The following R3HDM1 variants were observed in gnomAD, a reference collection of about 807,000 sequenced individuals.
R3HDM1 encodes R3H domain containing 1.
In R3HDM1, 46 loss-of-function variants were observed where a neutral mutation model predicts 141.1. That is an observed-to-expected ratio of 0.33 (90% CI 0.26 to 0.42). The LOEUF is 0.42. Among genes scored for constraint, R3HDM1 ranks in the 10% least tolerant of loss-of-function variants. The probability of loss-of-function intolerance (pLI) is 1.00; values close to 1 mark genes in which losing one functional copy is unlikely to be tolerated. For synonymous variants in R3HDM1, 435 were observed against 472.9 expected, an observed-to-expected ratio of 0.92 and a Z score of 1.04; for missense variants, 1,184 against 1,368.3, an observed-to-expected ratio of 0.87 and a Z score of 2.12.
Position 135,715,674 on chromosome 2 carries a change from G to A in R3HDM1, c.2861G>A (p.Arg954Lys). The A allele has an allele frequency of 6.2e-7, 1 of 1,613,536 alleles. No homozygotes were observed. The highest frequency in any genetic ancestry group is 2.2e-5 in the East Asian group (1 of 44,856). ...CTTTCCATCATGCCCCAATTTTCTAGACCTTTTGTCCCCGGGCAAGGTAAG... is the reference window on the plus strand; with the variant it reads ...CTTTCCATCATGCCCCAATTTTCTAAACCTTTTGTCCCCGGGCAAGGTAAG... ...PPLSIMPQFS[R>K]PFVPGQGDSR... is the part of the protein sequence containing the mutation. Residue 954 changes from arginine to lysine, a missense_variant, in exon 24 of 27, where the codon AGA (arginine) becomes AAA (lysine). By Grantham distance (26) the Arg-to-Lys change is conservative (BLOSUM62 2). Coordinates refer to ENST00000683871, the MANE Select transcript of R3HDM1 (RefSeq NM_001378107.1).
chr2:135,571,936 T>G (rs1235026323), intron 1 of R3HDM1, among the ~76,000 whole-genome samples: 2 of 152,158 alleles, frequency 1.3e-5, no homozygotes, highest in Non-Finnish European at 2.9e-5. Context: ...TGCAGAATTT[T>G]ATTTTGTTTT....
intron 1 of R3HDM1, among the ~76,000 whole-genome samples, chr2:135,561,570 T>C (rs1408766762): frequency 6.6e-6 from 1 of 151,944 alleles, no homozygotes; most frequent in Non-Finnish European, 1.5e-5. Flanking sequence ...TATAAAAAAT[T>C]AGCTGGTTGT....
chr2:135,583,410 A>G (rs531942479), intron 1 of R3HDM1, among the ~76,000 whole-genome samples: 1 of 152,282 alleles, frequency 6.6e-6, no homozygotes, highest in East Asian at 1.9e-4. Context: ...GTTAGCCTGC[A>G]TGATTATTGG....
At chr2:135,673,539 GGAA>G (rs1236724994) in intron 19 of R3HDM1, among the ~76,000 whole-genome samples, 1 of 152,200 alleles carries the variant, frequency 6.6e-6, no homozygotes, top group African/African-American at 2.4e-5. Flanking sequence ...AGATTAAAAA[GGAA>G]GAAGTTTATT....
At position 135,651,774 on chromosome 2, in the gene R3HDM1, C is replaced by T. The variant is rs1214585761; in HGVS notation, c.1770C>T (p.Arg590=). 1.2e-6 allele frequency: 2 copies of T among 1,613,918 alleles called. No homozygotes were observed. Among genetic ancestry groups the T allele is most frequent in the Non-Finnish European group, 1.7e-6 (2 of 1,179,886 alleles). Residue 590 remains arginine (R), a synonymous_variant, in exon 18 of 27, where the codon CGC becomes CGT. Coordinates refer to ENST00000683871, the MANE Select transcript of R3HDM1 (RefSeq NM_001378107.1). The part of the protein sequence containing the change: ...GSQFSHMSLA[R]QPSADGSDPH... ...AGTTTAGCCACATGAGTCTTGCTCG[C>T]CAGCCATCTGCTGATGGTTCTGACC...
chr2:135,536,879 C>G (rs762880050), intron 1 of R3HDM1: 1 of 225,914 alleles, frequency 4.4e-6, no homozygotes, highest in Non-Finnish European at 7.4e-6. Context: ...TTACTGTGAA[C>G]TGCGCATGCA....
At chr2:135,531,769 C>T (rs1050962021) in intron 1 of R3HDM1, 136 bp downstream of exon 1, 33 of 985,618 alleles carry the variant, frequency 3.3e-5, no homozygotes, top group Non-Finnish European at 3.7e-5. Flanking sequence ...GAAAGGTGGC[C>T]TTCCCCGCCG....
At chr2:135,710,932 A>G (rs1462550475) in intron 23 of R3HDM1, among the ~76,000 whole-genome samples, 3 of 152,222 alleles carry the variant, frequency 2.0e-5, no homozygotes, top group Non-Finnish European at 4.4e-5. Flanking sequence ...TAAAAATATT[A>G]GATTAAAAAG....
chr2:135,723,832 G>A (rs2076946942), intron 26 of R3HDM1, 105 bp from the exon 27 acceptor site: 1 of 471,882 alleles, frequency 2.1e-6, no homozygotes, highest in African/African-American at 2.2e-5. Context: ...TTAATTTTGT[G>A]TATTCGAATG....
intron 19 of R3HDM1, among the ~76,000 whole-genome samples, chr2:135,674,788 G>A (rs1356603121): frequency 1.3e-5 from 2 of 151,516 alleles, no homozygotes; most frequent in African/African-American, 4.8e-5. Flanking sequence ...CTGTGTCTTT[G>A]ACACATTCAA....
At chr2:135,605,871 A>G (rs1235275581) in intron 3 of R3HDM1, 4 of 152,086 alleles carry the variant, frequency 2.6e-5, no homozygotes, top group Admixed American at 1.3e-4. Flanking sequence ...TTTAGTAGAG[A>G]TGGAGTTTCA....
intron 1 of R3HDM1, among the ~76,000 whole-genome samples, chr2:135,547,835 A>G (rs1421276732): frequency 2.5e-4 from 34 of 134,946 alleles, no homozygotes; most frequent in Non-Finnish European, 4.2e-4. Context: ...GTGCAGTGGC[A>G]CGATCTCGGC....
At chr2:135,617,332 A>AT (rs1559254143) in intron 5 of R3HDM1, among the ~76,000 whole-genome samples, 10 of 129,610 alleles carry the variant, frequency 7.7e-5, no homozygotes, top group African/African-American at 4.1e-4. Context: ...ATCTCAAAAA[A>AT]AAATATATAT....
At position 135,714,787 on chromosome 2, in the gene R3HDM1, A is replaced by ACACG. The variant is rs1553639142; in HGVS notation, c.2737-760_2737-759insGCAC. Among the ~76,000 whole-genome samples the ACACG allele has an allele frequency of 7.2e-5, 11 of 151,886 alleles. 1 individual carries two copies. In the East Asian group the frequency reaches 1.9e-3, roughly 27 times the overall value. On this transcript the variant is annotated intron_variant, in intron 23 of 26. Coordinates refer to ENST00000683871, the MANE Select transcript of R3HDM1 (RefSeq NM_001378107.1). ...TATACACACACACACACACACACAC[A>ACACG]CACAGAGAAAGCAGTGTAATAAAAG...
At chr2:135,619,489 A>G (rs535001621) in intron 5 of R3HDM1, among the ~76,000 whole-genome samples, 2 of 152,232 alleles carry the variant, frequency 1.3e-5, no homozygotes, top group Non-Finnish European at 2.9e-5. Context: ...AGTTATATCA[A>G]AAGTCAATTA....
chr2:135,676,384 A>G (rs1185332249), intron 20 of R3HDM1, among the ~76,000 whole-genome samples: 2 of 152,232 alleles, frequency 1.3e-5, no homozygotes, highest in Non-Finnish European at 2.9e-5. Flanking sequence ...TATTTGATGA[A>G]TAAGCACGTG....
At chr2:135,546,394 G>A (rs556879230) in intron 1 of R3HDM1, among the ~76,000 whole-genome samples, 9 of 152,192 alleles carry the variant, frequency 5.9e-5, no homozygotes, top group African/African-American at 2.2e-4. Context: ...AGATGGGATG[G>A]GAATAGGGAT....
chr2:135,601,885 C>T (rs2059647200), intron 1 of R3HDM1, among the ~76,000 whole-genome samples: 1 of 151,908 alleles, frequency 6.6e-6, no homozygotes, highest in Admixed American at 6.6e-5. Flanking sequence ...TAGTCTTGAG[C>T]CCCTGGCCTC....
At chr2:135,538,857 A>G (rs1377362826) in intron 1 of R3HDM1, among the ~76,000 whole-genome samples, 1 of 152,086 alleles carries the variant, frequency 6.6e-6, no homozygotes, top group South Asian at 2.1e-4. Flanking sequence ...CAGGTGATCC[A>G]CCCACCTCAG....
Sources: allele counts gnomAD v4.1 joint callset (sites outside exome capture counted in the v4.1 genomes callset), GRCh38; gene constraint gnomAD v4.1.1; transcripts MANE v1.5; gene names NCBI Gene and HGNC (gene_info 2026-07-23, HGNC 2026-07-21).